LRRTM4: variants seen among roughly 807,000 people sequenced by gnomAD.
The protein encoded by LRRTM4 is leucine rich repeat transmembrane neuronal 4.
In LRRTM4, 25 loss-of-function variants were observed where a neutral mutation model predicts 47.6. The observed-to-expected ratio is 0.53, with a 90% confidence interval of 0.38 to 0.73. The LOEUF is 0.73. LRRTM4 is among the 30% of genes least tolerant of loss of function. LRRTM4 has a pLI of 0.00. For missense variants in LRRTM4, 638 were observed against 713.4 expected (o/e 0.89, Z 1.20); for synonymous variants, 311 against 269.5 (o/e 1.15, Z -1.51).
intron 3 of LRRTM4, among the ~76,000 whole-genome samples, chr2:76,780,034 T>C (rs1249918346): frequency 9.2e-5 from 14 of 152,214 alleles, no homozygotes; most frequent in Non-Finnish European, 4.4e-5. Flanking sequence ...TTAGTTTGGC[T>C]GGATATGCAA....
At chr2:76,924,895 C>T (rs1674540460) in intron 3 of LRRTM4, among the ~76,000 whole-genome samples, 1 of 152,050 alleles carries the variant, frequency 6.6e-6, no homozygotes, top group Non-Finnish European at 1.5e-5. Flanking sequence ...TTCCTTCTAC[C>T]TCTTCACGGT....
intron 3 of LRRTM4, among the ~76,000 whole-genome samples, chr2:77,172,553 A>G (rs901937431): frequency 6.6e-6 from 1 of 152,236 alleles, no homozygotes; most frequent in Non-Finnish European, 1.5e-5. Flanking sequence ...AAGTCGTGCC[A>G]CTGCACTCCA....
chr2:76,795,691 T>G (rs1317551562), intron 3 of LRRTM4, among the ~76,000 whole-genome samples: 1 of 152,154 alleles, frequency 6.6e-6, no homozygotes, highest in Non-Finnish European at 1.5e-5. Flanking sequence ...ATGATGGGAA[T>G]GTAGCTATAT....
intron 3 of LRRTM4, among the ~76,000 whole-genome samples, chr2:77,467,464 C>T (rs2103984947): frequency 6.6e-6 from 1 of 152,240 alleles, no homozygotes; most frequent in East Asian, 1.9e-4. Flanking sequence ...AGTCTGGATG[C>T]TTGGATGAAA....
At chr2:76,939,008 AG>A (rs1157906604) in intron 3 of LRRTM4, among the ~76,000 whole-genome samples, 1 of 152,050 alleles carries the variant, frequency 6.6e-6, no homozygotes, top group Non-Finnish European at 1.5e-5. Flanking sequence ...TGTGAGTAGG[AG>A]ATTATGAATA....
At chr2:77,422,960 G>A (rs901437199) in intron 3 of LRRTM4, among the ~76,000 whole-genome samples, 1 of 151,978 alleles carries the variant, frequency 6.6e-6, no homozygotes, top group Non-Finnish European at 1.5e-5. Flanking sequence ...AACATATAAT[G>A]AAATAGCAAC....
At chr2:77,508,337 C>A (rs1246107444) in intron 3 of LRRTM4, among the ~76,000 whole-genome samples, 1 of 152,066 alleles carries the variant, frequency 6.6e-6, no homozygotes, top group Non-Finnish European at 1.5e-5. Context: ...ATCCTCCAGT[C>A]AGAGTAAGGG....
intron 3 of LRRTM4, among the ~76,000 whole-genome samples, chr2:77,271,825 T>C (rs1190495425): frequency 1.3e-5 from 2 of 152,206 alleles, no homozygotes; most frequent in African/African-American, 4.8e-5. Context: ...ATAGCAGATT[T>C]CTTGTTCATT....
intron 3 of LRRTM4, among the ~76,000 whole-genome samples, chr2:77,327,724 C>T (rs553455227): frequency 1.2e-3 from 189 of 152,066 alleles, no homozygotes; most frequent in African/African-American, 4.0e-3. Flanking sequence ...TGGGAGAAGG[C>T]GACCCAGTGA....
intron 3 of LRRTM4, among the ~76,000 whole-genome samples, chr2:77,129,287 C>T (rs183590841): frequency 6.6e-6 from 1 of 152,262 alleles, no homozygotes; most frequent in Non-Finnish European, 1.5e-5. Context: ...GAGTGGTAAT[C>T]AATGATTTCA....
chr2:77,395,179 C>T (rs73941269), intron 3 of LRRTM4, among the ~76,000 whole-genome samples: 4,937 of 151,858 alleles, frequency 0.033, 277 homozygotes, highest in African/African-American at 0.11. Flanking sequence ...GTCAGTTGTG[C>T]CTAAACCACA....
chr2:77,141,272 C>G (rs921305284), intron 3 of LRRTM4, among the ~76,000 whole-genome samples: 4 of 152,132 alleles, frequency 2.6e-5, no homozygotes, highest in Non-Finnish European at 5.9e-5. Context: ...CATATATACA[C>G]CATGGAATAC....
At chr2:77,315,662 T>C (rs556507664) in intron 3 of LRRTM4, among the ~76,000 whole-genome samples, 1 of 152,254 alleles carries the variant, frequency 6.6e-6, no homozygotes, top group Admixed American at 6.5e-5. Context: ...TTTTTTTTGG[T>C]TGGGGGTGGT....
intron 3 of LRRTM4, among the ~76,000 whole-genome samples, chr2:77,400,423 T>C (rs1251683402): frequency 2.0e-5 from 3 of 151,806 alleles, no homozygotes; most frequent in African/African-American, 7.2e-5. Flanking sequence ...CTCGTGTAAG[T>C]GGTTTATAGC....
At chr2:77,294,713 T>C (rs1355758721) in intron 3 of LRRTM4, among the ~76,000 whole-genome samples, 2 of 152,122 alleles carry the variant, frequency 1.3e-5, no homozygotes, top group African/African-American at 4.8e-5. Context: ...TTGGATATTG[T>C]ATTTCACTAC....
intron 3 of LRRTM4, among the ~76,000 whole-genome samples, chr2:77,334,113 T>C (rs1429681919): frequency 6.6e-6 from 1 of 152,186 alleles, no homozygotes; most frequent in East Asian, 1.9e-4. Context: ...TTTACCCAAT[T>C]CCTGTACCCC....
intron 3 of LRRTM4, among the ~76,000 whole-genome samples, chr2:77,215,717 C>A (rs1373710817): frequency 1.3e-5 from 2 of 152,098 alleles, no homozygotes; most frequent in Non-Finnish European, 2.9e-5. Flanking sequence ...TGGCTAAACA[C>A]CCAGAGTTTC....
At chr2:76,814,653 T>C (rs1670846468) in intron 3 of LRRTM4, among the ~76,000 whole-genome samples, 1 of 152,084 alleles carries the variant, frequency 6.6e-6, no homozygotes, top group South Asian at 2.1e-4. Flanking sequence ...GGGTGTAGGT[T>C]ATATGTAAAT....
intron 3 of LRRTM4, among the ~76,000 whole-genome samples, chr2:77,178,792 G>C (rs1226945277): frequency 6.6e-6 from 1 of 152,076 alleles, no homozygotes; most frequent in Admixed American, 6.6e-5. Context: ...CAAGGTCTTA[G>C]TTATTTCCCT....
Sources: gnomAD v4.1 joint callset for allele counts (sites outside exome capture counted in the v4.1 genomes callset) on GRCh38, gnomAD v4.1.1 for gene constraint, MANE v1.5 for transcripts, NCBI Gene and HGNC (gene_info 2026-07-23, HGNC 2026-07-21) for gene names.